ZBTB46: variants seen among roughly 807,000 people sequenced by gnomAD.
ZBTB46 encodes the protein zinc finger and BTB domain-containing protein 46.
A neutral mutation model predicts 44.1 loss-of-function variants in ZBTB46; 8 were observed. That is an observed-to-expected ratio of 0.18 (90% CI 0.11 to 0.33). The LOEUF (loss-of-function observed/expected upper bound fraction) is 0.33, where lower values mean the gene tolerates loss of function less well. ZBTB46 is among the 10% of genes least tolerant of loss of function. ZBTB46 has a pLI of 1.00. For synonymous variants in ZBTB46, 409 were observed against 382.3 expected (o/e 1.07, Z -0.81); for missense variants, 651 against 847.7 (o/e 0.77, Z 2.88).
chr20:63,803,552 C>A lies in ZBTB46; in HGVS notation c.-33-12762G>T. 1.0e-6 allele frequency: 1 copy of A among 977,204 alleles called. No individual in the cohort carries two copies. The highest frequency in any genetic ancestry group is 6.4e-5 in the Admixed American group (1 of 15,584). The allele number at this position is 977,204 out of a possible 1,614,324, so 60.5% of individuals were successfully genotyped here. On this transcript the variant is annotated intron_variant, in intron 1 of 4. Transcript: ENST00000245663. This position sits in a 1 kb window ranked among gnomAD's most constrained non-coding sequence, Gnocchi z 4.0. ...AGATGCAAAGCCATGTCTGCCGGCC[C>A]CGGGCTGCCCAGGCCCCGGGCTGCC...
At chr20:63,815,910 GAC>G (rs1302881823) in intron 1 of ZBTB46, among the ~76,000 whole-genome samples, 7 of 149,142 alleles carry the variant, frequency 4.7e-5, no homozygotes, top group Non-Finnish European at 1.0e-4. Flanking sequence ...AGGTACAGTG[GAC>G]ACAGGTGGGC....
intron 1 of ZBTB46, among the ~76,000 whole-genome samples, chr20:63,809,461 G>A (rs2146024821): frequency 6.6e-6 from 1 of 152,330 alleles, no homozygotes; most frequent in East Asian, 1.9e-4. Context: ...AGACAGCAGC[G>A]CCCTCACGCG....
intron 1 of ZBTB46, chr20:63,791,027 G>A (rs1316001437): frequency 1.0e-5 from 5 of 476,284 alleles, no homozygotes; most frequent in African/African-American, 7.7e-5. Context: ...GTGTTTCCGT[G>A]CTCGAGGCTA....
chr20:63,798,463 T>A (rs2092619627), intron 1 of ZBTB46, among the ~76,000 whole-genome samples: 1 of 151,782 alleles, frequency 6.6e-6, no homozygotes, highest in Non-Finnish European at 1.5e-5. Flanking sequence ...TTACCTGAGG[T>A]CAGGAGTTCA....
Position 63,767,828 on chromosome 20 carries a change from G to C in ZBTB46, c.1222+7850C>G, listed in dbSNP as rs1008750573. The C allele has an allele frequency of 2.1e-6, 2 of 965,692 alleles. No individual in the cohort carries two copies. The highest frequency in any genetic ancestry group is 2.5e-6 in the Non-Finnish European group (2 of 812,682). The allele number at this position is 965,692 out of a possible 1,614,324, so 59.8% of individuals were successfully genotyped here. A position where few individuals can be genotyped will look rare whatever the true frequency, so the allele number is the denominator to read the frequency against. On this transcript the variant is annotated intron_variant, in intron 3 of 4. Coordinates refer to ENST00000245663, the MANE Select transcript of ZBTB46 (RefSeq NM_001369741.1). This position sits in a 1 kb window ranked among gnomAD's most constrained non-coding sequence, Gnocchi z 5.0. ...CCAGGGCTGGGCAAGTCCATCCAGG[G>C]CTGGGCAAGTCCATCCAGGCCTGGG...
intron 1 of ZBTB46, among the ~76,000 whole-genome samples, chr20:63,813,908 A>T (rs574998211): frequency 6.6e-6 from 1 of 152,248 alleles, no homozygotes; most frequent in African/African-American, 2.4e-5. Flanking sequence ...CGAGGGTAAA[A>T]CTGAGATTTG....
chr20:63,823,889 T>TGTGTGTGTGTGTGTGTGTGTGTGTG (rs1568910610), intron 1 of ZBTB46, among the ~76,000 whole-genome samples: 14 of 150,648 alleles, frequency 9.3e-5, no homozygotes, highest in South Asian at 2.1e-4. Context: ...TGTGTGTGTG[T>TGTGTGTGTGTGTGTGTGTGTGTGTG]TCTTTGGGAC....
At chr20:63,771,254 T>C (rs1421531243) in intron 3 of ZBTB46, among the ~76,000 whole-genome samples, 1 of 151,614 alleles carries the variant, frequency 6.6e-6, no homozygotes, top group Non-Finnish European at 1.5e-5. Context: ...CAGGGGCGCA[T>C]TTCCAGAGCT....
At chr20:63,819,941 G>A (rs184267941) in intron 1 of ZBTB46, among the ~76,000 whole-genome samples, 252 of 152,234 alleles carry the variant, frequency 1.7e-3, no homozygotes, top group African/African-American at 5.9e-3. Flanking sequence ...TAAAATAAAA[G>A]CAACGAAATA....
chr20:63,748,552 C>G (rs1278035938), intron 4 of ZBTB46, among the ~76,000 whole-genome samples: 6 of 152,194 alleles, frequency 3.9e-5, no homozygotes, highest in Non-Finnish European at 7.4e-5. Flanking sequence ...ACAGCACAGC[C>G]CCTGTCTCTG....
chr20:63,779,679 G>A (rs772194237), intron 2 of ZBTB46, among the ~76,000 whole-genome samples: 16 of 151,522 alleles, frequency 1.1e-4, no homozygotes, highest in Admixed American at 4.6e-4. Flanking sequence ...CTCAGCCTCC[G>A]AGAGTGCTGG....
intron 1 of ZBTB46, among the ~76,000 whole-genome samples, chr20:63,821,798 A>T (rs1344268178): frequency 6.6e-6 from 1 of 152,206 alleles, no homozygotes; most frequent in African/African-American, 2.4e-5. Flanking sequence ...TAAAGTACAG[A>T]GTAACATTAA....
intron 3 of ZBTB46, among the ~76,000 whole-genome samples, chr20:63,769,096 A>T (rs2092345166): frequency 6.6e-6 from 1 of 152,194 alleles, no homozygotes; most frequent in African/African-American, 2.4e-5. Context: ...GTGGGAGAGG[A>T]GGGCACATGG....
At chr20:63,812,685 G>T (rs73624733) in intron 1 of ZBTB46, among the ~76,000 whole-genome samples, 1 of 151,842 alleles carries the variant, frequency 6.6e-6, no homozygotes, top group Non-Finnish European at 1.5e-5. Context: ...AGGCTGAGGC[G>T]GGAGAATCAC....
At chr20:63,833,611 C>T (rs1305814326), upstream of ZBTB46, among the ~76,000 whole-genome samples, 2 of 152,036 alleles carry the variant, frequency 1.3e-5, no homozygotes, top group Admixed American at 6.6e-5. Context: ...AAAAAAGAAA[C>T]GTGCTGAGTT....
intron 1 of ZBTB46, among the ~76,000 whole-genome samples, chr20:63,797,747 C>T (rs937569664): frequency 4.6e-5 from 7 of 152,202 alleles, no homozygotes; most frequent in South Asian, 2.1e-4. Context: ...ATTTCTCTCA[C>T]GGCCAGTGAT....
chr20:63,777,593 A>G (rs768410058), intron 2 of ZBTB46, among the ~76,000 whole-genome samples: 7 of 152,340 alleles, frequency 4.6e-5, no homozygotes, highest in Non-Finnish European at 8.8e-5. Context: ...TCCTCACAAC[A>G]TCAGGTACAG....
chr20:63,796,388 T>C (rs2092604428), intron 1 of ZBTB46, among the ~76,000 whole-genome samples: 1 of 152,242 alleles, frequency 6.6e-6, no homozygotes, highest in African/African-American at 2.4e-5. Flanking sequence ...TCCCTGCGTC[T>C]AATTCCAAAC....
At chr20:63,828,432 A>G (rs2092831164) in intron 1 of ZBTB46, among the ~76,000 whole-genome samples, 1 of 152,276 alleles carries the variant, frequency 6.6e-6, no homozygotes, top group African/African-American at 2.4e-5. Context: ...GAGTCAGGCC[A>G]TTCAAGCAAA....
Sources: allele counts gnomAD v4.1 joint callset (sites outside exome capture counted in the v4.1 genomes callset), GRCh38; gene constraint gnomAD v4.1.1; non-coding constraint Gnocchi (gnomAD v3.1); transcripts MANE v1.5; gene names NCBI Gene and HGNC (gene_info 2026-07-23, HGNC 2026-07-21).